The following ZNF131 variants were observed in gnomAD, a reference collection of about 807,000 sequenced individuals.
ZNF131 encodes the protein zinc finger protein 131.
In ZNF131, 7 loss-of-function variants were observed where a neutral mutation model predicts 60.0. That is an observed-to-expected ratio of 0.12 (90% CI 0.07 to 0.22). The LOEUF (loss-of-function observed/expected upper bound fraction) is 0.22, where lower values mean the gene tolerates loss of function less well. ZNF131 is among the 10% of genes least tolerant of loss of function. The pLI, the probability that ZNF131 is intolerant of heterozygous loss-of-function variation, is 1.00. For synonymous variants in ZNF131, 257 were observed against 253.2 expected, an observed-to-expected ratio of 1.01 and a Z score of -0.14; for missense variants, 493 against 740.9, an observed-to-expected ratio of 0.67 and a Z score of 3.88.
chr5:43,123,537 C>T, intron 3 of ZNF131: 2 of 349,892 alleles, frequency 5.7e-6, no homozygotes, highest in Non-Finnish European at 1.0e-5. Flanking sequence ...GTTGAATGAT[C>T]TGCCAGGAAA....
intron 5 of ZNF131, among the ~76,000 whole-genome samples, chr5:43,169,519 T>C (rs907563144): frequency 3.3e-5 from 5 of 152,234 alleles, no homozygotes; most frequent in African/African-American, 1.2e-4. Flanking sequence ...CAAGCGAGCA[T>C]GCGGTAGTAC....
chr5:43,167,968 C>G (rs1309038784), intron 5 of ZNF131: 1 of 454,154 alleles, frequency 2.2e-6, no homozygotes, highest in African/African-American at 2.0e-5. Flanking sequence ...GAGGCCACAT[C>G]TGGTGAGAGC....
chr5:43,155,031 G>GT (rs1748784259), intron 4 of ZNF131, among the ~76,000 whole-genome samples: 1 of 152,184 alleles, frequency 6.6e-6, no homozygotes, highest in Non-Finnish European at 1.5e-5. Context: ...TCTGCTTTGG[G>GT]TTTTCATTGT....
At chr5:43,148,043 CTT>C (rs55979930) in intron 4 of ZNF131, among the ~76,000 whole-genome samples, 716 of 123,766 alleles carry the variant, frequency 5.8e-3, no homozygotes, top group Middle Eastern at 9.3e-3. Flanking sequence ...GACAAGAGTG[CTT>C]TTTTTTTTTT....
At chr5:43,134,909 G>A (rs1292718011) in intron 3 of ZNF131, among the ~76,000 whole-genome samples, 13 of 151,628 alleles carry the variant, frequency 8.6e-5, no homozygotes. Flanking sequence ...TTTTGGCCAG[G>A]CTGGTCTCGA....
At chr5:43,154,948 G>A (rs116552534) in intron 4 of ZNF131, among the ~76,000 whole-genome samples, 2,949 of 152,274 alleles carry the variant, frequency 0.019, 47 homozygotes, top group Non-Finnish European at 0.03. Flanking sequence ...ATATAGCAAG[G>A]TTAATTTGGG....
At chr5:43,124,076 A>G (rs1398616037) in intron 3 of ZNF131, 2 of 149,834 alleles carry the variant, frequency 1.3e-5, no homozygotes, top group Admixed American at 6.7e-5. Context: ...CTGGGGCAAC[A>G]TAGACCCTGT....
chr5:43,129,991 C>T (rs572215030), intron 3 of ZNF131, among the ~76,000 whole-genome samples: 28 of 150,036 alleles, frequency 1.9e-4, no homozygotes, highest in Admixed American at 2.0e-4. Flanking sequence ...GGAGGCCAGG[C>T]GCGGTGGCTC....
rs1282128214 is a variant in ZNF131 at position 43,175,068 on chromosome 5, A to G, written c.1807A>G (p.Thr603Ala). ...TGCTGAGGATTTAGAGACCAAGCCAACAGTGGATTCTGAAGCAGAAAAGGC... is the reference window on the plus strand; with the variant it reads ...TGCTGAGGATTTAGAGACCAAGCCAGCAGTGGATTCTGAAGCAGAAAAGGC... The part of the protein sequence containing the change: ...EDAEDLETKP[T>A]VDSEAEKAEN... The change falls in exon 7 of 7, where the codon ACA (threonine) becomes GCA (alanine). Residue 603 changes from threonine to alanine, a missense_variant. Coordinates refer to ENST00000682664, the MANE Select transcript of ZNF131 (RefSeq NM_001330707.2). 6 of 1,614,250 alleles carry G rather than the reference A, an allele frequency of 3.7e-6. No individual in the cohort carries two copies. The Admixed American group carries it at 5.0e-5, about 13-fold the overall frequency.
intron 4 of ZNF131, among the ~76,000 whole-genome samples, chr5:43,144,244 T>C (rs1392516936): frequency 8.0e-4 from 61 of 76,012 alleles, no homozygotes; most frequent in African/African-American, 3.0e-3. Context: ...TTTCTTTTTT[T>C]TTTTTTTTTT....
chr5:43,145,649 T>TC (rs1159582195), intron 4 of ZNF131, among the ~76,000 whole-genome samples: 3 of 151,620 alleles, frequency 2.0e-5, no homozygotes, highest in Non-Finnish European at 4.4e-5. Context: ...AGAGTGAGAC[T>TC]CCATCTCAAA....
At chr5:43,132,988 T>G (rs1033259453) in intron 3 of ZNF131, among the ~76,000 whole-genome samples, 3 of 152,224 alleles carry the variant, frequency 2.0e-5, no homozygotes, top group Non-Finnish European at 4.4e-5. Context: ...TGGGCATTTC[T>G]TAGTCTAAAA....
In ZNF131 at chr5:43,175,226, G is replaced by A. The variant is rs145346530; in HGVS notation, c.*93G>A. The A allele has an allele frequency of 5.4e-4, 687 of 1,260,970 alleles. 8 individuals carry two copies. The East Asian group carries it at 0.015, about 28-fold the overall frequency. The allele number at this position is 1,260,970 out of a possible 1,614,324, so 78.1% of individuals were successfully genotyped here. A position where few individuals can be genotyped will look rare whatever the true frequency, so the allele number is the denominator to read the frequency against. ...GTCCTTAATTAAGCCTAACAGACAA[G>A]TGGACCAAAGTTAAGCTGTTTCCTG... On this transcript the variant is annotated 3_prime_UTR_variant, in exon 7 of 7. Transcript: ENST00000682664.
intron 1 of ZNF131, among the ~76,000 whole-genome samples, chr5:43,121,348 C>T (rs1262470244): frequency 2.0e-5 from 3 of 152,218 alleles, no homozygotes; most frequent in African/African-American, 7.2e-5. Context: ...CCCAAGCCCA[C>T]CGCTGCCCGG....
At chr5:43,123,839 A>T (rs955047631) in intron 3 of ZNF131, 1 of 152,506 alleles carries the variant, frequency 6.6e-6, no homozygotes, top group Non-Finnish European at 1.5e-5. Context: ...CTACAATGGG[A>T]TGGATCAATA....
chr5:43,164,873 C>G (rs1489644931), intron 5 of ZNF131, among the ~76,000 whole-genome samples: 1 of 152,204 alleles, frequency 6.6e-6, no homozygotes, highest in Non-Finnish European at 1.5e-5. Flanking sequence ...ACCGAACCCC[C>G]ACTTCATTGT....
intron 4 of ZNF131, among the ~76,000 whole-genome samples, chr5:43,141,577 TG>T (rs1746826539): frequency 6.6e-6 from 1 of 152,024 alleles, no homozygotes. Context: ...GAGACCAGCC[TG>T]GGCACCATGG....
chr5:43,124,825 G>A (rs1358767549), intron 3 of ZNF131: 1 of 152,026 alleles, frequency 6.6e-6, no homozygotes, highest in African/African-American at 2.4e-5. Context: ...GATAAACAGG[G>A]TCCAGTCTAA....
rs1198550314 is a variant in ZNF131, at chr5:43,122,117, G to C, written c.64G>C (p.Asp22His). The change falls in exon 2 of 7, where the codon GAC becomes CAC. Residue 22 changes from aspartate (D) to histidine (H), a missense_variant. Transcript: ENST00000682664. Reference sequence around the variant, plus strand: ...CCCTGAACATCATAAAATGATCCTCGACCGATTGAATGAACAGCGAGAGCA... The same window carrying C: ...CCCTGAACATCATAAAATGATCCTCCACCGATTGAATGAACAGCGAGAGCA... ...EFPEHHKMIL[D>H]RLNEQREQDR... 6.2e-7 allele frequency: 1 copy of C among 1,614,036 alleles called. No individual in the cohort carries two copies. The highest frequency in any genetic ancestry group is 1.7e-5 in the Admixed American group (1 of 59,998).
Sources: gnomAD v4.1 joint callset for allele counts (sites outside exome capture counted in the v4.1 genomes callset) on GRCh38, gnomAD v4.1.1 for gene constraint, MANE v1.5 for transcripts, NCBI Gene and HGNC (gene_info 2026-07-23, HGNC 2026-07-21) for gene names.